GLIS1: variants seen among roughly 807,000 people sequenced by gnomAD.
GLIS1 encodes GLIS family zinc finger 1.
Under a neutral mutation model 63.8 loss-of-function variants are expected in GLIS1, and 24 were observed. The ratio of observed to expected loss-of-function variants is 0.38; its 90% confidence interval spans 0.27 to 0.53. The LOEUF (loss-of-function observed/expected upper bound fraction) is 0.53. GLIS1 is among the 20% of genes least tolerant of loss of function. GLIS1 has a pLI of 0.85. For synonymous variants in GLIS1, 450 were observed against 482.5 expected, an observed-to-expected ratio of 0.93 and a Z score of 0.88; for missense variants, 1,036 against 1,074.1, an observed-to-expected ratio of 0.96 and a Z score of 0.50.
At position 53,594,277 on chromosome 1, in the gene GLIS1, T is replaced by A. The variant is rs145375877; in HGVS notation, c.1151A>T (p.Gln384Leu). Residue 384 changes from glutamine (Q) to leucine (L), a missense_variant, in exon 4 of 11, where the codon CAG (glutamine) becomes CTG (leucine). By Grantham distance (113) the Gln-to-Leu change is moderately radical. Coordinates refer to ENST00000628545, the MANE Select transcript of GLIS1 (RefSeq NM_001367484.1). ...WVDCCAAYEQ[Q>L]EELVRHIEKS... Reference sequence around the variant, plus strand: ...CTCGATGTGCCGCACCAGCTCCTCCTGCTGCTCATAGGCTGCACAGCAGTC... The same window carrying A: ...CTCGATGTGCCGCACCAGCTCCTCCAGCTGCTCATAGGCTGCACAGCAGTC... The A allele has an allele frequency of 2.5e-5, 41 of 1,613,284 alleles. No homozygotes were observed. Among genetic ancestry groups the A allele is most frequent in the East Asian group, 2.5e-4 (11 of 44,860 alleles).
At chr1:53,559,482 C>T (rs115001172) in intron 4 of GLIS1, among the ~76,000 whole-genome samples, 166 of 152,314 alleles carry the variant, frequency 1.1e-3, no homozygotes, top group African/African-American at 3.8e-3. Flanking sequence ...CGAGCCTGCT[C>T]GGCCCCTGCC....
rs540129843 is a variant in GLIS1 at position 53,677,749 on chromosome 1, G to A, written c.259+60057C>T. Reference sequence around the variant, plus strand: ...TGTCACGCCATCTCTGGGATCTGCCGTGCCTCCTCACCTCTCCCTGCTTCT... The same window carrying A: ...TGTCACGCCATCTCTGGGATCTGCCATGCCTCCTCACCTCTCCCTGCTTCT... On this transcript the variant is annotated intron_variant, in intron 2 of 10. Transcript: ENST00000628545. Among the ~76,000 whole-genome samples, 37 of 152,284 alleles carry A rather than the reference G, an allele frequency of 2.4e-4. No homozygotes were observed. In the South Asian group the frequency reaches 2.7e-3, roughly 11 times the overall value.
At chr1:53,537,747 G>C (rs947277178) in intron 4 of GLIS1, among the ~76,000 whole-genome samples, 1 of 152,210 alleles carries the variant, frequency 6.6e-6, no homozygotes, top group Non-Finnish European at 1.5e-5. Context: ...AGAGTGAAGA[G>C]GAGGTTTGGG....
intron 2 of GLIS1, among the ~76,000 whole-genome samples, chr1:53,644,494 C>T (rs544467409): frequency 6.6e-6 from 1 of 152,244 alleles, no homozygotes; most frequent in South Asian, 2.1e-4. Flanking sequence ...GAGGAGGTGA[C>T]TCATAAATAA....
At position 53,524,917 on chromosome 1, in the gene GLIS1, G is replaced by A. The variant is rs1025952540; in HGVS notation, c.1483-30C>T. ...AACATGGGGGGCACGGGTGGGGTGA[G>A]TGAGGCCCATCCCTACGGGACACGC... On this transcript the variant is annotated intron_variant, in intron 5 of 10. Coordinates refer to ENST00000628545, the MANE Select transcript of GLIS1 (RefSeq NM_001367484.1). The A allele has an allele frequency of 2.6e-6, 4 of 1,528,436 alleles. No individual in the cohort carries two copies. In the African/African-American group the frequency reaches 5.5e-5, roughly 21 times the overall value. The allele number at this position is 1,528,436 out of a possible 1,614,324, so 94.7% of individuals were successfully genotyped here. A position where few individuals can be genotyped will look rare whatever the true frequency, so the allele number is the denominator to read the frequency against.
intron 8 of GLIS1, among the ~76,000 whole-genome samples, chr1:53,510,412 T>G (rs1265889099): frequency 6.6e-6 from 1 of 152,198 alleles, no homozygotes; most frequent in East Asian, 1.9e-4. Flanking sequence ...CAGTGTTCAT[T>G]ACCTGCTGGG....
Position 53,560,873 on chromosome 1 carries a change from C to T in GLIS1, c.1321-30921G>A, listed in dbSNP as rs989057337. Among the ~76,000 whole-genome samples the T allele has an allele frequency of 7.2e-5, 11 of 152,176 alleles. No homozygotes were observed. Among genetic ancestry groups the T allele is most frequent in the Non-Finnish European group, 1.3e-4 (9 of 68,034 alleles). On this transcript the variant is annotated intron_variant, in intron 4 of 10. Coordinates refer to ENST00000628545, the MANE Select transcript of GLIS1 (RefSeq NM_001367484.1). The surrounding 1 kb of genome is among the most constrained non-coding windows in gnomAD (Gnocchi z 4.4). ...ACACCACACTTTTTCCTGCCCCATC[C>T]TGCCCTGCCACTGGTATCCCACCCC...
At chr1:53,654,947 G>A (rs1312258341) in intron 2 of GLIS1, among the ~76,000 whole-genome samples, 1 of 152,214 alleles carries the variant, frequency 6.6e-6, no homozygotes, top group Non-Finnish European at 1.5e-5. Flanking sequence ...GTTTTGGTTT[G>A]TAAAATGGTA....
rs572239981 is a variant in GLIS1 at position 53,517,854 on chromosome 1, C to T, written c.1726+2780G>A. On this transcript the variant is annotated intron_variant, in intron 7 of 10. Coordinates refer to ENST00000628545, the MANE Select transcript of GLIS1 (RefSeq NM_001367484.1). ...GCCTGTCCAGCCTCCACACCAAGGA[C>T]GGACACAGGGTGGGTGACCGAGTGT... Among the ~76,000 whole-genome samples the T allele has an allele frequency of 1.1e-4, 17 of 152,314 alleles. No homozygotes were observed. In the East Asian group the frequency reaches 1.5e-3, roughly 14 times the overall value.
chr1:53,574,692 C>A lies in GLIS1; in HGVS notation c.1320+19416G>T, dbSNP rs1645014935. Among the ~76,000 whole-genome samples, 1 of 152,242 alleles carries A rather than the reference C, an allele frequency of 6.6e-6. No individual in the cohort carries two copies. Among genetic ancestry groups the A allele is most frequent in the Admixed American group, 6.5e-5 (1 of 15,286 alleles). ...TGGTCCCCAATATGAGTAAAGGAAG[C>A]AGCCCCACCTGGGCCTTGTGTCTAA... On this transcript the variant is annotated intron_variant, in intron 4 of 10. Transcript: ENST00000628545. This position sits in a 1 kb window ranked among gnomAD's most constrained non-coding sequence, Gnocchi z 4.2.
chr1:53,708,812 C>G (rs1646608139), intron 2 of GLIS1, among the ~76,000 whole-genome samples: 3 of 152,202 alleles, frequency 2.0e-5, no homozygotes, highest in Admixed American at 2.0e-4. Context: ...ACAGCACACA[C>G]TGGCAGAGCT....
intron 4 of GLIS1, among the ~76,000 whole-genome samples, chr1:53,548,360 G>T (rs1355045455): frequency 2.0e-5 from 3 of 152,214 alleles, no homozygotes; most frequent in Non-Finnish European, 4.4e-5. Flanking sequence ...GTTACTGCTG[G>T]TATTCCCGTG....
At chr1:53,520,254 C>A (rs958304669) in intron 7 of GLIS1, among the ~76,000 whole-genome samples, 1 of 151,926 alleles carries the variant, frequency 6.6e-6, no homozygotes, top group Non-Finnish European at 1.5e-5. Flanking sequence ...GGACAGTGTC[C>A]GGGGGTCGGG....
intron 4 of GLIS1, among the ~76,000 whole-genome samples, chr1:53,562,416 G>A (rs1346045580): frequency 1.3e-5 from 2 of 152,104 alleles, no homozygotes; most frequent in African/African-American, 2.4e-5. Context: ...GGAAAACAAC[G>A]AGGGTCACCT....
intron 2 of GLIS1, among the ~76,000 whole-genome samples, chr1:53,709,229 C>T (rs1466001206): frequency 6.6e-6 from 1 of 151,838 alleles, no homozygotes; most frequent in Admixed American, 6.6e-5. Context: ...GCCCCAGAAT[C>T]TGATATAGTG....
At chr1:53,663,287 C>A (rs780208682) in intron 2 of GLIS1, among the ~76,000 whole-genome samples, 1 of 152,216 alleles carries the variant, frequency 6.6e-6, no homozygotes, top group Non-Finnish European at 1.5e-5. Context: ...CAGGGCTGGG[C>A]CCACAGCAGG....
intron 2 of GLIS1, among the ~76,000 whole-genome samples, chr1:53,645,561 G>A (rs1288878841): frequency 6.6e-6 from 1 of 152,186 alleles, no homozygotes; most frequent in Non-Finnish European, 1.5e-5. Flanking sequence ...AGGCCAGGGT[G>A]ATAGGGGATG....
At chr1:53,569,237 C>G (rs1434492554) in intron 4 of GLIS1, among the ~76,000 whole-genome samples, 1 of 152,136 alleles carries the variant, frequency 6.6e-6, no homozygotes, top group East Asian at 1.9e-4. Context: ...TGTCATTATA[C>G]CTTTGTCCAA....
chr1:53,708,867 C>T lies in GLIS1; in HGVS notation c.259+28939G>A, dbSNP rs114890028. ...CATACCTGTCTCACCTCCAACAAGGCTGCAAGCTCCCTTGGGGAGCCTGCC... is the reference window on the plus strand; with the variant it reads ...CATACCTGTCTCACCTCCAACAAGGTTGCAAGCTCCCTTGGGGAGCCTGCC... On this transcript the variant is annotated intron_variant, in intron 2 of 10. Coordinates refer to ENST00000628545, the MANE Select transcript of GLIS1 (RefSeq NM_001367484.1). 2.0e-3 allele frequency among the ~76,000 whole-genome samples: 312 copies of T among 152,292 alleles called. 2 individuals are homozygous for T. Among genetic ancestry groups the T allele is most frequent in the African/African-American group, 7.3e-3 (304 of 41,550 alleles).
Sources: gnomAD v4.1 joint callset for allele counts (sites outside exome capture counted in the v4.1 genomes callset) on GRCh38, gnomAD v4.1.1 for gene constraint, Gnocchi (gnomAD v3.1) non-coding constraint, MANE v1.5 for transcripts, NCBI Gene and HGNC (gene_info 2026-07-23, HGNC 2026-07-21) for gene names.